Variants in TRAPPC3 observed in about 807,000 individuals in gnomAD.
TRAPPC3 encodes trafficking protein particle complex subunit 3.
In TRAPPC3, 5 loss-of-function variants were observed where a neutral mutation model predicts 18.2. The observed-to-expected ratio is 0.28, with a 90% CI of 0.14 to 0.58. The LOEUF is 0.58. Ranked by LOEUF, TRAPPC3 falls within the 20% of genes least tolerant of loss-of-function variation. The probability of loss-of-function intolerance (pLI) is 0.91; values close to 1 mark genes in which losing one functional copy is unlikely to be tolerated. For missense variants in TRAPPC3, 176 were observed against 225.9 expected, an observed-to-expected ratio of 0.78 and a Z score of 1.41; for synonymous variants, 65 against 84.2, an observed-to-expected ratio of 0.77 and a Z score of 1.25.
rs750726319 is a variant in TRAPPC3 at position 36,149,379 on chromosome 1, G to A, written c.-1C>T. On this transcript the variant is annotated 5_prime_UTR_variant, in exon 1 of 5. Coordinates refer to ENST00000373166, the MANE Select transcript of TRAPPC3 (RefSeq NM_014408.5). ...TGCCACGGTTCGCCTGCCTCGACAT[G>A]GTGCCGGCCGCCCCGCCCCACTCGC... is the stretch of plus-strand genomic sequence containing the variant. 3 of 1,613,066 alleles carry A rather than the reference G, an allele frequency of 1.9e-6. No homozygotes were observed. Among genetic ancestry groups the A allele is most frequent in the Non-Finnish European group, 2.5e-6 (3 of 1,179,790 alleles).
chr1:36,137,929 C>T lies in TRAPPC3; in HGVS notation c.290G>A (p.Ser97Asn). ...LGITPSITNWSPAGDEFSLIL... is the reference protein window; with the variant it reads ...LGITPSITNWNPAGDEFSLIL... ...GAGGGAGAATTCATCACCAGCTGGG[C>T]TCCAATTAGTAATGCTTGGAGTGAT... The change falls in exon 4 of 5, where the codon AGC (serine) becomes AAC (asparagine). Residue 97 changes from serine (S) to asparagine (N), a missense_variant. By Grantham distance (46) the Ser-to-Asn change is conservative (BLOSUM62 1). Transcript: ENST00000373166. 1.9e-6 allele frequency: 3 copies of T among 1,614,192 alleles called. No homozygotes were observed. The highest frequency in any genetic ancestry group is 4.5e-5 in the East Asian group (2 of 44,888).
upstream of TRAPPC3, among the ~76,000 whole-genome samples, chr1:36,153,135 T>A (rs1206036243): frequency 6.6e-6 from 1 of 152,222 alleles, no homozygotes; most frequent in Non-Finnish European, 1.5e-5. Flanking sequence ...CAGGGAATGC[T>A]GTTGGGACTT....
At chr1:36,148,551 T>A (rs904497236) in intron 1 of TRAPPC3, among the ~76,000 whole-genome samples, 4 of 138,214 alleles carry the variant, frequency 2.9e-5, no homozygotes, top group Non-Finnish European at 4.6e-5. Context: ...GCCAAGTTAG[T>A]GCCACTGCAC....
intron 1 of TRAPPC3, among the ~76,000 whole-genome samples, chr1:36,145,446 G>C (rs906900268): frequency 2.0e-5 from 3 of 152,136 alleles, no homozygotes; most frequent in Non-Finnish European, 2.9e-5. Flanking sequence ...ACTAAATCCA[G>C]CCAACTCTCT....
chr1:36,148,952 C>T lies in TRAPPC3; in HGVS notation c.42+385G>A, dbSNP rs564407920. 3 of 672,868 alleles carry T rather than the reference C, an allele frequency of 4.5e-6. No individual in the cohort carries two copies. The African/African-American group carries it at 5.7e-5, about 13-fold the overall frequency. The allele number at this position is 672,868 out of a possible 1,614,324, so 41.7% of individuals were successfully genotyped here. A position where few individuals can be genotyped will look rare whatever the true frequency, so the allele number is the denominator to read the frequency against. On this transcript the variant is annotated intron_variant, in intron 1 of 4. Coordinates refer to ENST00000373166, the MANE Select transcript of TRAPPC3 (RefSeq NM_014408.5). Reference sequence around the variant, plus strand: ...TGTAAATATGGGCAAATTACGTAAGCTCTCCAAGCTGTAAAACGGCAATGT... The same window carrying T: ...TGTAAATATGGGCAAATTACGTAAGTTCTCCAAGCTGTAAAACGGCAATGT...
chr1:36,150,594 T>TG (rs887041770), upstream of TRAPPC3, among the ~76,000 whole-genome samples: 2 of 152,224 alleles, frequency 1.3e-5, no homozygotes, highest in African/African-American at 2.4e-5. Flanking sequence ...TAGGGAGGGC[T>TG]GGGGGGCCGC....
At chr1:36,143,072 G>A (rs889706226) in intron 1 of TRAPPC3, among the ~76,000 whole-genome samples, 8 of 152,050 alleles carry the variant, frequency 5.3e-5, no homozygotes, top group African/African-American at 1.9e-4. Context: ...AATAAAATAG[G>A]AATGGGCTAT....
intron 3 of TRAPPC3, among the ~76,000 whole-genome samples, chr1:36,138,733 A>G (rs964509481): frequency 6.6e-6 from 1 of 152,160 alleles, no homozygotes; most frequent in Non-Finnish European, 1.5e-5. Context: ...CTTCATGTTA[A>G]AGATGAGGTA....
chr1:36,140,446 C>T, intron 1 of TRAPPC3: 1 of 301,630 alleles, frequency 3.3e-6, no homozygotes, highest in Non-Finnish European at 6.1e-6. Flanking sequence ...CCCAAGTCTC[C>T]ACCACAGCTG....
In TRAPPC3 at chr1:36,137,242, G is replaced by A; in HGVS notation, c.504C>T (p.Ile168=). 1.9e-6 allele frequency: 3 copies of A among 1,613,086 alleles called. No individual in the cohort carries two copies. Among genetic ancestry groups the A allele is most frequent in the African/African-American group, 1.3e-5 (1 of 75,042 alleles). The part of the protein sequence containing the change: ...DGVTEIRMRF[I]RRIEDNLPAG... Reference sequence around the variant, plus strand: ...CTGGAAGATTGTCCTCAATCCGCCTGATGAATCTCATCCGGATTTCTGTCA... The same window carrying A: ...CTGGAAGATTGTCCTCAATCCGCCTAATGAATCTCATCCGGATTTCTGTCA... The change falls in exon 5 of 5, where the codon ATC becomes ATT. Residue 168 remains isoleucine, a synonymous_variant. Transcript: ENST00000373166.
At chr1:36,152,773 C>T (rs1437552038), upstream of TRAPPC3, among the ~76,000 whole-genome samples, 1 of 152,168 alleles carries the variant, frequency 6.6e-6, no homozygotes, top group Non-Finnish European at 1.5e-5. Flanking sequence ...ACCTCAGCCT[C>T]CTGAGTAGTT....
chr1:36,148,951 G>T, intron 1 of TRAPPC3: 1 of 661,608 alleles, frequency 1.5e-6, no homozygotes, highest in Non-Finnish European at 2.0e-6. Flanking sequence ...AATTACGTAA[G>T]CTCTCCAAGC....
At chr1:36,141,958 C>CAAAAAA (rs71053907) in intron 1 of TRAPPC3, among the ~76,000 whole-genome samples, 8 of 64,120 alleles carry the variant, frequency 1.2e-4, no homozygotes, top group Admixed American at 4.3e-4. Context: ...ATTCCGTCTC[C>CAAAAAA]AAAAAAAAAA....
chr1:36,137,115 G>T lies in TRAPPC3; in HGVS notation c.*88C>A. On this transcript the variant is annotated 3_prime_UTR_variant, in exon 5 of 5. Transcript: ENST00000373166. ...GAATATATAACATCCATGTTCAAGA[G>T]TCACTGAGTTCTGGAGGGCAGAGGG... The T allele has an allele frequency of 6.9e-7, 1 of 1,452,992 alleles. No individual in the cohort carries two copies. The highest frequency in any genetic ancestry group is 9.5e-7 in the Non-Finnish European group (1 of 1,056,478). The allele number at this position is 1,452,992 out of a possible 1,614,324, so 90.0% of individuals were successfully genotyped here.
At chr1:36,154,107 C>A (rs144395785), upstream of TRAPPC3, among the ~76,000 whole-genome samples, 1 of 152,098 alleles carries the variant, frequency 6.6e-6, no homozygotes, top group Non-Finnish European at 1.5e-5. Flanking sequence ...GGGGTTCAAA[C>A]GATTCTCCTG....
At chr1:36,142,210 CAAAT>C (rs1644127767) in intron 1 of TRAPPC3, among the ~76,000 whole-genome samples, 1 of 151,898 alleles carries the variant, frequency 6.6e-6, no homozygotes, top group African/African-American at 2.4e-5. Context: ...CCTTTGAACT[CAAAT>C]AAACAGTCAG....
upstream of TRAPPC3, among the ~76,000 whole-genome samples, chr1:36,153,608 T>C (rs1408737205): frequency 6.6e-6 from 1 of 152,196 alleles, no homozygotes; most frequent in Non-Finnish European, 1.5e-5. Context: ...ATTGTGAGGA[T>C]GGTCCTACGC....
upstream of TRAPPC3, among the ~76,000 whole-genome samples, chr1:36,154,336 C>T (rs185278843): frequency 1.6e-3 from 250 of 152,260 alleles, 1 homozygote; most frequent in African/African-American, 5.8e-3. Context: ...GTGGGTATCT[C>T]GCGACTCCCA....
At chr1:36,138,112 A>G in intron 3 of TRAPPC3, 134 bp from the exon 4 acceptor site, 1 of 1,561,994 alleles carries the variant, frequency 6.4e-7, no homozygotes, top group Non-Finnish European at 8.7e-7. Flanking sequence ...GACACTTCAG[A>G]TACTCAGGAC....
Sources: gnomAD v4.1 joint callset for allele counts (sites outside exome capture counted in the v4.1 genomes callset) on GRCh38, gnomAD v4.1.1 for gene constraint, MANE v1.5 for transcripts, NCBI Gene and HGNC (gene_info 2026-07-23, HGNC 2026-07-21) for gene names.